Variants in TMEM117 observed in about 807,000 individuals in gnomAD.
TMEM117 encodes the protein transmembrane protein 117.
A neutral mutation model predicts 52.4 loss-of-function variants in TMEM117; 27 were observed. The observed-to-expected ratio is 0.51, with a 90% CI of 0.38 to 0.71. The LOEUF (loss-of-function observed/expected upper bound fraction) is 0.71. Among genes scored for constraint, TMEM117 ranks in the 30% least tolerant of loss-of-function variants. TMEM117 has a pLI of 0.00. For synonymous variants in TMEM117, 215 were observed against 206.3 expected, an observed-to-expected ratio of 1.04 and a Z score of -0.36; for missense variants, 556 against 630.5, an observed-to-expected ratio of 0.88 and a Z score of 1.26.
intron 6 of TMEM117, among the ~76,000 whole-genome samples, chr12:44,311,777 GTGTATATATGTATATATA>G (rs1950982322): frequency 9.3e-6 from 1 of 107,624 alleles, no homozygotes; most frequent in Non-Finnish European, 1.8e-5. Context: ...ATGTATATAT[GTGTATATATGTATATATA>G]TGTATATATG....
intron 2 of TMEM117, among the ~76,000 whole-genome samples, chr12:43,897,468 T>C (rs1488539476): frequency 6.6e-6 from 1 of 151,688 alleles, no homozygotes; most frequent in Admixed American, 6.6e-5. Context: ...TGCACCACCA[T>C]GGCCCAGCTA....
At chr12:44,276,082 A>T (rs529466186) in intron 5 of TMEM117, among the ~76,000 whole-genome samples, 2 of 152,250 alleles carry the variant, frequency 1.3e-5, no homozygotes, top group African/African-American at 4.8e-5. Flanking sequence ...CCTACTACAT[A>T]CCCACAAAAA....
At chr12:43,864,283 G>C (rs766461790) in intron 2 of TMEM117, among the ~76,000 whole-genome samples, 2 of 152,262 alleles carry the variant, frequency 1.3e-5, no homozygotes, top group Non-Finnish European at 2.9e-5. Context: ...GAGGAGTGCA[G>C]GCACACTGCG....
intron 3 of TMEM117, among the ~76,000 whole-genome samples, chr12:44,038,283 G>T (rs1327920571): frequency 6.6e-6 from 1 of 152,046 alleles, no homozygotes; most frequent in African/African-American, 2.4e-5. Context: ...ACCAAGCCAG[G>T]GCTGTGACAC....
intron 6 of TMEM117, among the ~76,000 whole-genome samples, chr12:44,334,158 A>G (rs1472617831): frequency 6.6e-6 from 1 of 152,060 alleles, no homozygotes; most frequent in Non-Finnish European, 1.5e-5. Context: ...TTCATGCCTA[A>G]TAAGATTGTA....
chr12:43,966,908 T>C (rs1299604608), intron 3 of TMEM117, among the ~76,000 whole-genome samples: 1 of 152,188 alleles, frequency 6.6e-6, no homozygotes, highest in Non-Finnish European at 1.5e-5. Context: ...GGCAAATCTG[T>C]CATGCCCTGC....
At chr12:44,044,656 C>A (rs914608568) in intron 3 of TMEM117, among the ~76,000 whole-genome samples, 2 of 152,148 alleles carry the variant, frequency 1.3e-5, no homozygotes, top group African/African-American at 4.8e-5. Flanking sequence ...GATCAGTTGA[C>A]AGAGGAAGAG....
intron 2 of TMEM117, among the ~76,000 whole-genome samples, chr12:43,865,248 G>A (rs1323356133): frequency 1.3e-5 from 2 of 152,178 alleles, no homozygotes; most frequent in African/African-American, 4.8e-5. Flanking sequence ...TAAAGACAGA[G>A]TTTGGGGTTT....
chr12:43,849,998 G>A (rs144416629), intron 2 of TMEM117, among the ~76,000 whole-genome samples: 145 of 152,078 alleles, frequency 9.5e-4, no homozygotes, highest in African/African-American at 3.2e-3. Context: ...TTTTCATATT[G>A]CTAAATGGCT....
intron 5 of TMEM117, among the ~76,000 whole-genome samples, chr12:44,286,485 T>C (rs1368691342): frequency 6.6e-6 from 1 of 152,156 alleles, no homozygotes; most frequent in Non-Finnish European, 1.5e-5. Flanking sequence ...TTAACCACCA[T>C]AAATGAGTCA....
chr12:43,999,939 T>A (rs1383469121), intron 3 of TMEM117, among the ~76,000 whole-genome samples: 1 of 152,254 alleles, frequency 6.6e-6, no homozygotes, highest in Non-Finnish European at 1.5e-5. Flanking sequence ...TTTCTTATAA[T>A]AAGGTCATTC....
At chr12:44,199,148 T>C (rs1456760717) in intron 4 of TMEM117, among the ~76,000 whole-genome samples, 1 of 145,628 alleles carries the variant, frequency 6.9e-6, no homozygotes, top group East Asian at 2.1e-4. Context: ...TGATAAAGAG[T>C]CTTTCTTCTT....
chr12:43,985,667 T>C (rs1379538835), intron 3 of TMEM117, among the ~76,000 whole-genome samples: 1 of 152,206 alleles, frequency 6.6e-6, no homozygotes, highest in African/African-American at 2.4e-5. Context: ...GTGTCAGATA[T>C]GTTAATAAAA....
the TMEM117 span, chr12:43,796,943 C>T: frequency 6.3e-7 from 1 of 1,599,034 alleles, no homozygotes; most frequent in Non-Finnish European, 8.5e-7. Context: ...AAAAATTTAG[C>T]AAAAACTGAA....
chr12:44,372,577 C>A (rs1951879244), intron 6 of TMEM117, among the ~76,000 whole-genome samples: 2 of 145,260 alleles, frequency 1.4e-5, no homozygotes, highest in South Asian at 2.2e-4. Context: ...TAGTATGAAT[C>A]AAATGACATC....
chr12:44,219,213 T>G (rs1200386096), intron 5 of TMEM117, among the ~76,000 whole-genome samples: 1 of 152,210 alleles, frequency 6.6e-6, no homozygotes, highest in Non-Finnish European at 1.5e-5. Context: ...AAGCACAAAA[T>G]TAATGTTTCT....
intron 5 of TMEM117, among the ~76,000 whole-genome samples, chr12:44,294,334 A>G (rs549956457): frequency 9.8e-5 from 15 of 152,334 alleles, no homozygotes; most frequent in Admixed American, 9.2e-4. Flanking sequence ...AACTGTGGAT[A>G]GTACTGAATC....
the TMEM117 span, among the ~76,000 whole-genome samples, chr12:43,825,927 C>T: frequency 6.6e-6 from 1 of 152,158 alleles, no homozygotes; most frequent in African/African-American, 2.4e-5. Flanking sequence ...TAGTTTCTTG[C>T]CTGAGTTGTA....
At chr12:44,380,188 A>C (rs1005568870) in intron 7 of TMEM117, among the ~76,000 whole-genome samples, 4 of 152,188 alleles carry the variant, frequency 2.6e-5, no homozygotes, top group Admixed American at 1.3e-4. Flanking sequence ...ATGCAAATTC[A>C]ATAGCAGTGG....
Sources: allele counts gnomAD v4.1 joint callset (sites outside exome capture counted in the v4.1 genomes callset), GRCh38; gene constraint gnomAD v4.1.1; transcripts MANE v1.5; gene names NCBI Gene and HGNC (gene_info 2026-07-23, HGNC 2026-07-21).